The following GRID2 variants were observed in gnomAD, a reference collection of about 807,000 sequenced individuals.
GRID2 encodes glutamate ionotropic receptor delta type subunit 2, also known as glutamate receptor ionotropic, delta-2.
GRID2 carries 33 observed loss-of-function variants against 114.8 expected under a neutral mutation model. That is an observed-to-expected ratio of 0.29 (90% CI 0.22 to 0.38). GRID2 has a LOEUF of 0.38. GRID2 is among the 10% of genes least tolerant of loss of function. GRID2 has a pLI of 1.00. For synonymous variants in GRID2, 505 were observed against 449.9 expected (o/e 1.12, Z -1.55); for missense variants, 1,184 against 1,257.7 (o/e 0.94, Z 0.89).
chr4:93,354,802 A>C (rs1449569589), intron 8 of GRID2, among the ~76,000 whole-genome samples: 1 of 106,346 alleles, frequency 9.4e-6, no homozygotes, highest in Non-Finnish European at 1.8e-5. Flanking sequence ...TTATATATAT[A>C]TTTTATAAAT....
chr4:93,117,283 A>T (rs1733362238), intron 4 of GRID2, among the ~76,000 whole-genome samples: 1 of 151,868 alleles, frequency 6.6e-6, no homozygotes, highest in South Asian at 2.1e-4. Flanking sequence ...AGTTGCCCCA[A>T]TTCACCTAGA....
intron 14 of GRID2, among the ~76,000 whole-genome samples, chr4:93,756,708 A>G (rs72875964): frequency 0.085 from 12,904 of 152,232 alleles, 1,389 homozygotes; most frequent in African/African-American, 0.25. Flanking sequence ...GCGCTTCATC[A>G]TATAAACTTT....
chr4:93,449,020 A>C, intron 10 of GRID2, among the ~76,000 whole-genome samples: 1 of 131,920 alleles, frequency 7.6e-6, no homozygotes, highest in African/African-American at 2.9e-5. Context: ...TTTTTTTTCC[A>C]CCCTTTCTTC....
At chr4:93,632,459 T>C (rs1325266604) in intron 14 of GRID2, among the ~76,000 whole-genome samples, 1 of 152,208 alleles carries the variant, frequency 6.6e-6, no homozygotes, top group East Asian at 1.9e-4. Flanking sequence ...CCCAGCACCA[T>C]TTATTAAATA....
At chr4:93,087,618 A>G (rs935052119) in intron 3 of GRID2, among the ~76,000 whole-genome samples, 25 of 152,290 alleles carry the variant, frequency 1.6e-4, no homozygotes, top group African/African-American at 5.8e-4. Context: ...ATTATGTAAT[A>G]TATGACTGGG....
chr4:93,137,956 T>G (rs72665288), intron 4 of GRID2, among the ~76,000 whole-genome samples: 1 of 146,928 alleles, frequency 6.8e-6, no homozygotes, highest in Non-Finnish European at 1.5e-5. Flanking sequence ...CTAGCAAGAA[T>G]TTTTTCTTCG....
rs544790346 is a variant in GRID2 at position 92,730,416 on chromosome 4, G to A, written c.244+140130G>A. Among the ~76,000 whole-genome samples, 13 of 151,934 alleles carry A rather than the reference G, an allele frequency of 8.6e-5. No homozygotes were observed. In the South Asian group the frequency reaches 1.0e-3, roughly 12 times the overall value. ...TGATTTTGTTTTCCCCACCAGGAAT[G>A]GCATGTTACTGGATTCATCTTCCAC... On this transcript the variant is annotated intron_variant, in intron 2 of 15. Coordinates refer to ENST00000282020, the MANE Select transcript of GRID2 (RefSeq NM_001510.4).
intron 13 of GRID2, among the ~76,000 whole-genome samples, chr4:93,532,814 C>T (rs1474373335): frequency 1.3e-5 from 2 of 152,096 alleles, no homozygotes; most frequent in Non-Finnish European, 2.9e-5. Flanking sequence ...TTAGAAATTG[C>T]TCCACATATT....
chr4:93,115,826 T>C (rs1262057218), intron 4 of GRID2, among the ~76,000 whole-genome samples: 1 of 152,112 alleles, frequency 6.6e-6, no homozygotes, highest in Non-Finnish European at 1.5e-5. Context: ...TGAGGGAAAC[T>C]GCTCCCATGA....
intron 2 of GRID2, among the ~76,000 whole-genome samples, chr4:92,680,435 T>C (rs765257334): frequency 3.3e-5 from 5 of 152,128 alleles, no homozygotes; most frequent in South Asian, 2.1e-4. Context: ...GATCACATGT[T>C]AAGTGTGCAC....
At chr4:93,123,363 A>G (rs1045519929) in intron 4 of GRID2, among the ~76,000 whole-genome samples, 1 of 152,216 alleles carries the variant, frequency 6.6e-6, no homozygotes, top group African/African-American at 2.4e-5. Flanking sequence ...TATTTGTGAC[A>G]ATTGTACCAT....
chr4:93,744,688 A>C (rs1460297592), intron 14 of GRID2, among the ~76,000 whole-genome samples: 1 of 152,214 alleles, frequency 6.6e-6, no homozygotes. Context: ...TCATAAATTT[A>C]GTTGATAAGA....
chr4:92,748,431 C>T (rs1737262835), intron 2 of GRID2, among the ~76,000 whole-genome samples: 1 of 151,072 alleles, frequency 6.6e-6, no homozygotes, highest in Non-Finnish European at 1.5e-5. Flanking sequence ...TGAAAAACTA[C>T]ATGATGATCT....
At chr4:93,763,643 T>C (rs1008272214) in intron 14 of GRID2, among the ~76,000 whole-genome samples, 11 of 152,150 alleles carry the variant, frequency 7.2e-5, no homozygotes, top group Non-Finnish European at 1.2e-4. Context: ...CCAATTCAAC[T>C]ATTTATTATC....
At chr4:93,119,497 A>G (rs1263178457) in intron 4 of GRID2, among the ~76,000 whole-genome samples, 1 of 152,136 alleles carries the variant, frequency 6.6e-6, no homozygotes, top group Non-Finnish European at 1.5e-5. Flanking sequence ...GAAAGGAGGA[A>G]GTTTTACTAT....
intron 11 of GRID2, among the ~76,000 whole-genome samples, chr4:93,465,659 C>G (rs1441058269): frequency 3.3e-5 from 5 of 152,132 alleles, no homozygotes; most frequent in African/African-American, 4.8e-5. Flanking sequence ...TTTCCAAAGG[C>G]CACGGCAAGA....
intron 10 of GRID2, among the ~76,000 whole-genome samples, chr4:93,450,339 A>G (rs1029946113): frequency 1.3e-5 from 2 of 151,904 alleles, no homozygotes; most frequent in Non-Finnish European, 2.9e-5. Context: ...TAATAATTAG[A>G]ATATTTCAAA....
intron 2 of GRID2, among the ~76,000 whole-genome samples, chr4:93,078,783 ATAC>A (rs1444586166): frequency 1.3e-4 from 19 of 146,882 alleles, no homozygotes; most frequent in South Asian, 8.4e-4. Context: ...TATACTGTAT[ATAC>A]TAAATATAAT....
intron 2 of GRID2, among the ~76,000 whole-genome samples, chr4:92,990,787 G>T (rs564562189): frequency 2.6e-5 from 4 of 152,186 alleles, no homozygotes; most frequent in Non-Finnish European, 5.9e-5. Context: ...CCTAGAAACG[G>T]ATTTGATGGT....
Sources: allele counts gnomAD v4.1 joint callset (sites outside exome capture counted in the v4.1 genomes callset), GRCh38; gene constraint gnomAD v4.1.1; transcripts MANE v1.5; gene names NCBI Gene and HGNC (gene_info 2026-07-23, HGNC 2026-07-21).